The following IQSEC3 variants were observed in gnomAD, a reference collection of about 807,000 sequenced individuals.
The protein encoded by IQSEC3 is IQ motif and Sec7 domain ArfGEF 3, also known as IQ motif and SEC7 domain-containing protein 3.
IQSEC3 carries 50 observed loss-of-function variants against 105.4 expected under a neutral mutation model. That is an observed-to-expected ratio of 0.47 (90% CI 0.38 to 0.60). IQSEC3 has a LOEUF of 0.60. Among genes scored for constraint, IQSEC3 ranks in the 20% least tolerant of loss-of-function variants. IQSEC3 has a pLI of 0.00. For missense variants in IQSEC3, 1,415 were observed against 1,630.0 expected, an observed-to-expected ratio of 0.87 and a Z score of 2.27; for synonymous variants, 708 against 746.0, an observed-to-expected ratio of 0.95 and a Z score of 0.83.
At chr12:121,452 C>T (rs139294448) in intron 2 of IQSEC3, among the ~76,000 whole-genome samples, 3 of 152,334 alleles carry the variant, frequency 2.0e-5, no homozygotes, top group African/African-American at 7.2e-5. Flanking sequence ...CTGCTGTGCC[C>T]TGGCAAAGCA....
intron 3 of IQSEC3, among the ~76,000 whole-genome samples, chr12:135,044 C>T (rs932520483): frequency 9.2e-5 from 14 of 152,146 alleles, no homozygotes; most frequent in Non-Finnish European, 1.8e-4. Flanking sequence ...GCAGGAGAAT[C>T]GCTTGAACCC....
At chr12:159,049 C>T (rs1387980412) in intron 7 of IQSEC3, among the ~76,000 whole-genome samples, 1 of 152,210 alleles carries the variant, frequency 6.6e-6, no homozygotes, top group African/African-American at 2.4e-5. Flanking sequence ...CTTCCCTGAC[C>T]CATCCCACTC....
chr12:165,710 C>T lies in IQSEC3; in HGVS notation c.2810-19C>T, dbSNP rs782125177. On this transcript the variant is annotated intron_variant, in intron 10 of 13. Transcript: ENST00000538872. Reference sequence around the variant, plus strand: ...GCTGCTGCTCACAGCCCACTGGGGGCCTGGGGTCTGCTTTCCAGATTACTC... The same window carrying T: ...GCTGCTGCTCACAGCCCACTGGGGGTCTGGGGTCTGCTTTCCAGATTACTC... 1 of 1,612,232 alleles carries T rather than the reference C, an allele frequency of 6.2e-7. No individual in the cohort carries two copies. Among genetic ancestry groups the T allele is most frequent in the Non-Finnish European group, 8.5e-7 (1 of 1,179,108 alleles).
intron 10 of IQSEC3, 87 bp downstream of exon 10, chr12:165,620 G>C: frequency 1.3e-6 from 2 of 1,566,556 alleles, no homozygotes; most frequent in Non-Finnish European, 1.8e-6. Context: ...GGGCTGGACA[G>C]CAGAGTGGGT....
intron 12 of IQSEC3, among the ~76,000 whole-genome samples, chr12:170,523 C>T (rs1555099916): frequency 2.6e-5 from 4 of 152,186 alleles, no homozygotes; most frequent in African/African-American, 4.8e-5. Context: ...CTGCGGGGGT[C>T]GGGGTGGAAG....
At chr12:91,760 G>A (rs1009979159) in intron 1 of IQSEC3, among the ~76,000 whole-genome samples, 2 of 152,140 alleles carry the variant, frequency 1.3e-5, no homozygotes, top group Non-Finnish European at 2.9e-5. Flanking sequence ...CAGGCTGGGC[G>A]ATGGAGTGAG....
At chr12:94,024 C>A (rs1466566083) in intron 1 of IQSEC3, among the ~76,000 whole-genome samples, 1 of 152,226 alleles carries the variant, frequency 6.6e-6, no homozygotes. Flanking sequence ...GCCAAATAAA[C>A]CTCTTTTCTT....
At position 125,802 on chromosome 12, in the gene IQSEC3, C is replaced by T. The variant is rs924894893; in HGVS notation, c.793C>T (p.Gln265Ter). 2 of 1,524,740 alleles carry T rather than the reference C, an allele frequency of 1.3e-6. No individual in the cohort carries two copies. The highest frequency in any genetic ancestry group is 1.8e-6 in the Non-Finnish European group (2 of 1,142,334). 94.5% of individuals were successfully genotyped at this position (1,524,740 alleles called of 1,614,324 possible). ...GGCTGCCTCCCCAAGGGCTGGCCCC[C>T]AGCACAAGGCCTCCCCCGGCCGGCA... ...AGAASPRAGP[Q>*]HKASPGRQQP... is the part of the protein sequence containing the mutation. The change falls in exon 3 of 14, where the codon CAG (glutamine) becomes TAG (stop). Residue 265 changes from glutamine to a stop codon, truncating the protein, a stop_gained. Coordinates refer to ENST00000538872, the MANE Select transcript of IQSEC3 (RefSeq NM_001170738.2). LOFTEE classifies it high-confidence loss of function.
chr12:139,172 C>A lies in IQSEC3; in HGVS notation c.1809C>A (p.Ser603=). 6.3e-7 allele frequency: 1 copy of A among 1,580,106 alleles called. No individual in the cohort carries two copies. Among genetic ancestry groups the A allele is most frequent in the Non-Finnish European group, 8.6e-7 (1 of 1,165,030 alleles). The part of the protein sequence containing the change: ...DLEQLSSSST[S]TKSAKSGSEA... Reference sequence around the variant, plus strand: ...AGCAGCTGAGCAGCAGCAGCACGTCCACCAAGTCCGCCAAGTCAGGCTCGG... The same window carrying A: ...AGCAGCTGAGCAGCAGCAGCACGTCAACCAAGTCCGCCAAGTCAGGCTCGG... Residue 603 remains serine, a synonymous_variant, in exon 4 of 14, where the codon TCC becomes TCA. Coordinates refer to ENST00000538872, the MANE Select transcript of IQSEC3 (RefSeq NM_001170738.2).
chr12:80,324 G>A (rs1307047580), intron 1 of IQSEC3, among the ~76,000 whole-genome samples: 1 of 152,170 alleles, frequency 6.6e-6, no homozygotes, highest in African/African-American at 2.4e-5. Flanking sequence ...CAAGTTTGGG[G>A]GAGCCATCAG....
chr12:113,215 G>A (rs1216166986), intron 2 of IQSEC3, among the ~76,000 whole-genome samples: 2 of 152,188 alleles, frequency 1.3e-5, no homozygotes, highest in Admixed American at 1.3e-4. Flanking sequence ...AACCAGCATC[G>A]ATACTGCATT....
At position 152,254 on chromosome 12, in the gene IQSEC3, A is replaced by C. The variant is rs545014355; in HGVS notation, c.2154-4771A>C. 2.6e-5 allele frequency among the ~76,000 whole-genome samples: 4 copies of C among 152,330 alleles called. No homozygotes were observed. The highest frequency in any genetic ancestry group is 9.6e-5 in the African/African-American group (4 of 41,576). ...GTGCCCAGGCCAGCTCTGAACCTGC[A>C]GGGTGACCACAGAGCCCCCGTGCTG... On this transcript the variant is annotated intron_variant, in intron 5 of 13. Transcript: ENST00000538872. This position sits in a 1 kb window ranked among gnomAD's most constrained non-coding sequence, Gnocchi z 4.8.
At chr12:130,055 G>A (rs1865537859) in intron 3 of IQSEC3, among the ~76,000 whole-genome samples, 1 of 152,216 alleles carries the variant, frequency 6.6e-6, no homozygotes, top group African/African-American at 2.4e-5. Context: ...GAGGACAGTG[G>A]TGAGGACAGG....
chr12:73,661 C>T (rs1863412803), intron 1 of IQSEC3, among the ~76,000 whole-genome samples: 5 of 152,056 alleles, frequency 3.3e-5, no homozygotes. Flanking sequence ...CAGAGCGAGA[C>T]TCCATGACCC....
chr12:136,610 G>A (rs1034808820), intron 3 of IQSEC3, among the ~76,000 whole-genome samples: 7 of 152,108 alleles, frequency 4.6e-5, no homozygotes, highest in African/African-American at 1.7e-4. Context: ...CCCCACCCAT[G>A]ATCCCTGGAG....
intron 3 of IQSEC3, among the ~76,000 whole-genome samples, chr12:126,384 G>C (rs1008946063): frequency 2.4e-4 from 37 of 152,350 alleles, no homozygotes; most frequent in African/African-American, 8.9e-4. Flanking sequence ...TCCAGACTGG[G>C]GGAGTCCAAA....
intron 1 of IQSEC3, among the ~76,000 whole-genome samples, chr12:95,459 C>G (rs1555074539): frequency 1.3e-5 from 2 of 152,128 alleles, no homozygotes; most frequent in Non-Finnish European, 2.9e-5. Flanking sequence ...CAGCTCTTAT[C>G]TAGGTTCATA....
At chr12:129,598 C>T (rs139551485) in intron 3 of IQSEC3, among the ~76,000 whole-genome samples, 1 of 132,098 alleles carries the variant, frequency 7.6e-6, no homozygotes, top group African/African-American at 2.8e-5. Context: ...TTTGGGGAGC[C>T]CTTTAGGAAT....
chr12:79,052 G>A (rs1215359259), intron 1 of IQSEC3, among the ~76,000 whole-genome samples: 2 of 152,020 alleles, frequency 1.3e-5, no homozygotes, highest in Admixed American at 6.6e-5. Context: ...ACACCCCTCC[G>A]CCATCTACTT....
Sources: allele counts gnomAD v4.1 joint callset (sites outside exome capture counted in the v4.1 genomes callset), GRCh38; gene constraint gnomAD v4.1.1; non-coding constraint Gnocchi (gnomAD v3.1); transcripts MANE v1.5; gene names NCBI Gene and HGNC (gene_info 2026-07-23, HGNC 2026-07-21).